DLG2: variants seen among roughly 807,000 people sequenced by gnomAD.
DLG2 encodes the protein discs large MAGUK scaffold protein 2, also known as disks large homolog 2.
A neutral mutation model predicts 132.5 loss-of-function variants in DLG2; 45 were observed. The ratio of observed to expected loss-of-function variants is 0.34; its 90% CI spans 0.27 to 0.44. DLG2 has a LOEUF of 0.44. Ranked by LOEUF, DLG2 falls within the 20% of genes least tolerant of loss-of-function variation. The pLI, the probability that DLG2 is intolerant of heterozygous loss-of-function variation, is 1.00. For missense variants in DLG2, 1,045 were observed against 1,196.9 expected (o/e 0.87, Z 1.87); for synonymous variants, 424 against 419.6 (o/e 1.01, Z -0.13).
At chr11:83,690,077 T>G (rs1197383974) in intron 18 of DLG2, among the ~76,000 whole-genome samples, 1 of 148,068 alleles carries the variant, frequency 6.8e-6, no homozygotes, top group Non-Finnish European at 1.5e-5. Flanking sequence ...TTATAAATTA[T>G]TGTGTAACTG....
At chr11:83,583,289 C>T (rs2097016034) in intron 19 of DLG2, among the ~76,000 whole-genome samples, 1 of 152,224 alleles carries the variant, frequency 6.6e-6, no homozygotes, top group Admixed American at 6.5e-5. Flanking sequence ...AGCAGGTCTC[C>T]TCCAGAGAAG....
At chr11:84,643,017 G>C (rs1384728586) in intron 6 of DLG2, among the ~76,000 whole-genome samples, 2 of 152,054 alleles carry the variant, frequency 1.3e-5, no homozygotes, top group Non-Finnish European at 2.9e-5. Flanking sequence ...TGATTAAAGA[G>C]ATATCTTTCA....
At chr11:84,748,202 C>A (rs916686814) in intron 6 of DLG2, among the ~76,000 whole-genome samples, 1 of 152,158 alleles carries the variant, frequency 6.6e-6, no homozygotes, top group Admixed American at 6.6e-5. Context: ...AAGGTGCATT[C>A]AGGAGGCCTG....
At chr11:84,734,312 G>A (rs534444336) in intron 6 of DLG2, among the ~76,000 whole-genome samples, 90 of 151,822 alleles carry the variant, frequency 5.9e-4, no homozygotes, top group Admixed American at 1.1e-3. Context: ...CTTTTATTTT[G>A]TTGAGCAGTG....
intron 7 of DLG2, chr11:84,317,386 T>A (rs751650385): frequency 2.7e-5 from 37 of 1,362,326 alleles, no homozygotes; most frequent in Non-Finnish European, 3.5e-5. Flanking sequence ...ACAGAGCAAC[T>A]TGACAGTATC....
intron 15 of DLG2, among the ~76,000 whole-genome samples, chr11:83,903,149 A>T (rs1033246163): frequency 2.6e-5 from 4 of 151,904 alleles, no homozygotes; most frequent in Non-Finnish European, 4.4e-5. Flanking sequence ...TGGACAATTC[A>T]TTTATCTTTT....
At chr11:84,541,048 G>A (rs571360104) in intron 6 of DLG2, among the ~76,000 whole-genome samples, 50 of 152,180 alleles carry the variant, frequency 3.3e-4, no homozygotes, top group African/African-American at 1.1e-3. Context: ...TCATGTGGTG[G>A]AGGGAGAGGG....
chr11:83,874,739 G>A (rs1321060705), intron 15 of DLG2, among the ~76,000 whole-genome samples: 1 of 151,870 alleles, frequency 6.6e-6, no homozygotes, highest in Admixed American at 6.6e-5. Context: ...CGGTCCTATT[G>A]TCAATAACCA....
chr11:84,487,654 T>C (rs919816406), intron 7 of DLG2, among the ~76,000 whole-genome samples: 1 of 152,136 alleles, frequency 6.6e-6, no homozygotes, highest in Non-Finnish European at 1.5e-5. Context: ...GCCTTTAGGA[T>C]GCTCAAAAGC....
chr11:84,989,307 C>A (rs2154124051), intron 6 of DLG2, among the ~76,000 whole-genome samples: 1 of 152,278 alleles, frequency 6.6e-6, no homozygotes, highest in Middle Eastern at 3.4e-3. Flanking sequence ...TCCTGAGTAG[C>A]TGGGATTATA....
intron 7 of DLG2, among the ~76,000 whole-genome samples, chr11:84,509,222 A>T (rs916469146): frequency 1.3e-5 from 2 of 152,192 alleles, no homozygotes; most frequent in Non-Finnish European, 2.9e-5. Context: ...ATTCTGGAAA[A>T]TGTCTCCTTT....
At chr11:85,060,960 G>A (rs2064063087) in intron 6 of DLG2, among the ~76,000 whole-genome samples, 1 of 150,810 alleles carries the variant, frequency 6.6e-6, no homozygotes, top group Non-Finnish European at 1.5e-5. Flanking sequence ...ATCTCCTTGT[G>A]GTTTTGACTT....
intron 6 of DLG2, among the ~76,000 whole-genome samples, chr11:84,669,481 T>C (rs2099703410): frequency 6.6e-6 from 1 of 152,208 alleles, no homozygotes; most frequent in Non-Finnish European, 1.5e-5. Context: ...CCTCTGGTGT[T>C]CTACTCATCA....
intron 6 of DLG2, among the ~76,000 whole-genome samples, chr11:84,630,240 A>G (rs1039841875): frequency 9.2e-5 from 14 of 152,196 alleles, no homozygotes; most frequent in African/African-American, 3.4e-4. Flanking sequence ...TAGGGGAAAG[A>G]CTGCAGGAGC....
intron 15 of DLG2, among the ~76,000 whole-genome samples, chr11:83,928,918 T>C (rs890881571): frequency 6.6e-6 from 1 of 152,190 alleles, no homozygotes; most frequent in Non-Finnish European, 1.5e-5. Flanking sequence ...GTGGCTCTTC[T>C]CACTTCCTTA....
At chr11:84,864,162 A>G (rs550612847) in intron 6 of DLG2, among the ~76,000 whole-genome samples, 3 of 152,308 alleles carry the variant, frequency 2.0e-5, no homozygotes, top group South Asian at 4.1e-4. Context: ...GTTTGGTTTT[A>G]TGTACACAGT....
intron 6 of DLG2, among the ~76,000 whole-genome samples, chr11:84,869,255 G>C (rs530709272): frequency 2.6e-5 from 4 of 152,296 alleles, no homozygotes; most frequent in Admixed American, 2.6e-4. Flanking sequence ...TAGCTACTGA[G>C]TGATCTGTGG....
chr11:84,973,785 C>A, intron 6 of DLG2, among the ~76,000 whole-genome samples: 1 of 152,056 alleles, frequency 6.6e-6, no homozygotes, highest in East Asian at 1.9e-4. Context: ...ACAAAGTGGC[C>A]ATACATAATA....
chr11:84,582,455 G>A (rs982974256), intron 6 of DLG2, among the ~76,000 whole-genome samples: 2 of 148,088 alleles, frequency 1.4e-5, no homozygotes, highest in Non-Finnish European at 3.0e-5. Flanking sequence ...TTATGTATAT[G>A]CGTATATATA....
Sources: gnomAD v4.1 joint callset for allele counts (sites outside exome capture counted in the v4.1 genomes callset) on GRCh38, gnomAD v4.1.1 for gene constraint, MANE v1.5 for transcripts, NCBI Gene and HGNC (gene_info 2026-07-23, HGNC 2026-07-21) for gene names.